Variants in PIEZO2 observed in about 807,000 individuals in gnomAD.
PIEZO2 encodes piezo-type mechanosensitive ion channel component 2.
A neutral mutation model predicts 337.3 loss-of-function variants in PIEZO2; 172 were observed. The ratio of observed to expected loss-of-function variants is 0.51; its 90% CI spans 0.45 to 0.58. PIEZO2 has a LOEUF of 0.58. Ranked by LOEUF, PIEZO2 falls within the 20% of genes least tolerant of loss-of-function variation. The pLI, the probability that PIEZO2 is intolerant of heterozygous loss-of-function variation, is 0.00. For missense variants in PIEZO2, 3,028 were observed against 3,391.3 expected (o/e 0.89, Z 2.66); for synonymous variants, 1,251 against 1,228.5 (o/e 1.02, Z -0.38).
chr18:10,881,718 A>G (rs2042425284), intron 4 of PIEZO2, among the ~76,000 whole-genome samples: 1 of 152,182 alleles, frequency 6.6e-6, no homozygotes, highest in Non-Finnish European at 1.5e-5. Flanking sequence ...GAACGACTAC[A>G]ACAAACAAAA....
At chr18:11,040,765 T>TA (rs1294566107) in intron 2 of PIEZO2, among the ~76,000 whole-genome samples, 1 of 152,206 alleles carries the variant, frequency 6.6e-6, no homozygotes, top group Non-Finnish European at 1.5e-5. Context: ...AGTCAGTTCT[T>TA]AGTGCCACTT....
chr18:10,795,031 C>G lies in PIEZO2; in HGVS notation c.1528-29G>C. 1.3e-6 allele frequency: 2 copies of G among 1,523,998 alleles called. No homozygotes were observed. The highest frequency in any genetic ancestry group is 1.8e-6 in the Non-Finnish European group (2 of 1,128,404). The allele number at this position is 1,523,998 out of a possible 1,614,324, so 94.4% of individuals were successfully genotyped here. ...CGGAGGACAGAAAAGGAAACACGACCATGGTCAATACAATGCTCAGTCCCC... is the reference window on the plus strand; with the variant it reads ...CGGAGGACAGAAAAGGAAACACGACGATGGTCAATACAATGCTCAGTCCCC... On this transcript the variant is annotated intron_variant, in intron 12 of 55. Coordinates refer to ENST00000674853, the MANE Select transcript of PIEZO2 (RefSeq NM_001378183.1). This position sits in a 1 kb window ranked among gnomAD's most constrained non-coding sequence, Gnocchi z 4.4.
chr18:10,706,399 G>A (rs2035588158), intron 40 of PIEZO2, among the ~76,000 whole-genome samples: 1 of 152,066 alleles, frequency 6.6e-6, no homozygotes, highest in African/African-American at 2.4e-5. Context: ...CCAGCTCCCT[G>A]CACTGTGCCC....
chr18:10,794,767 C>T lies in PIEZO2; in HGVS notation c.1758+5G>A. The T allele has an allele frequency of 6.6e-7, 1 of 1,512,128 alleles. No individual in the cohort carries two copies. The highest frequency in any genetic ancestry group is 1.2e-5 in the South Asian group (1 of 82,274). 93.7% of individuals were successfully genotyped at this position (1,512,128 alleles called of 1,614,324 possible). A position where few individuals can be genotyped will look rare whatever the true frequency, so the allele number is the denominator to read the frequency against. On this transcript the variant is annotated splice_donor_5th_base_variant and intron_variant, in intron 13 of 55. Transcript: ENST00000674853. The surrounding 1 kb of genome is among the most constrained non-coding windows in gnomAD (Gnocchi z 6.6). ...GTTTTGTTTTATTGTATTCTATTCA[C>T]TTACTTTGGAAGCAAGTTCTCCTGG...
At chr18:10,880,456 G>A (rs1012906142) in intron 4 of PIEZO2, among the ~76,000 whole-genome samples, 3 of 152,084 alleles carry the variant, frequency 2.0e-5, no homozygotes, top group African/African-American at 7.2e-5. Context: ...ATTTAGATGA[G>A]ACCAGGAAAG....
intron 2 of PIEZO2, among the ~76,000 whole-genome samples, chr18:11,065,846 T>A (rs1054521318): frequency 6.6e-6 from 1 of 152,232 alleles, no homozygotes; most frequent in Admixed American, 6.5e-5. Flanking sequence ...TTTGAGTTAG[T>A]AGTGTTAACT....
At position 10,671,638 on chromosome 18, in the gene PIEZO2, T is replaced by TA. The variant is rs1310838813; in HGVS notation, c.8486dup (p.Leu2829PhefsTer33). ...GCTCCAGTTCTCCTGTCTCTCGAAC[T>TA]AAAAAAATATCTGTGCACAACTTCA... On this transcript the variant is annotated frameshift_variant, in exon 56 of 56. Coordinates refer to ENST00000674853, the MANE Select transcript of PIEZO2 (RefSeq NM_001378183.1). LOFTEE classifies it high-confidence loss of function. 6.2e-7 allele frequency: 1 copy of TA among 1,613,898 alleles called. No individual in the cohort carries two copies. Among genetic ancestry groups the TA allele is most frequent in the Non-Finnish European group, 8.5e-7 (1 of 1,179,990 alleles).
intron 3 of PIEZO2, among the ~76,000 whole-genome samples, chr18:10,911,713 C>A (rs2030493005): frequency 6.6e-6 from 1 of 152,174 alleles, no homozygotes; most frequent in Non-Finnish European, 1.5e-5. Flanking sequence ...AAGATCATGC[C>A]ATTGCACTCT....
Position 11,146,438 on chromosome 18 carries a change from C to T in PIEZO2, c.64+2087G>A, listed in dbSNP as rs971017752. ...GGCAGGGCTGAATCCAGACCCCAGTCCCCCCACCTCCACCCTGGCTGCGAG... is the reference window on the plus strand; with the variant it reads ...GGCAGGGCTGAATCCAGACCCCAGTTCCCCCACCTCCACCCTGGCTGCGAG... On this transcript the variant is annotated intron_variant, in intron 1 of 55. Coordinates refer to ENST00000674853, the MANE Select transcript of PIEZO2 (RefSeq NM_001378183.1). The surrounding 1 kb of genome is among the most constrained non-coding windows in gnomAD (Gnocchi z 6.1). 1.3e-5 allele frequency among the ~76,000 whole-genome samples: 2 copies of T among 152,122 alleles called. No homozygotes were observed. The highest frequency in any genetic ancestry group is 2.9e-5 in the Non-Finnish European group (2 of 68,018).
chr18:10,851,854 G>C (rs554893159), intron 7 of PIEZO2, among the ~76,000 whole-genome samples: 11 of 152,046 alleles, frequency 7.2e-5, no homozygotes, highest in African/African-American at 2.7e-4. Context: ...TATTTACTAA[G>C]CTTTACAGAG....
intron 36 of PIEZO2, among the ~76,000 whole-genome samples, chr18:10,729,580 C>G (rs1403679136): frequency 6.6e-6 from 1 of 151,054 alleles, no homozygotes; most frequent in South Asian, 2.1e-4. Flanking sequence ...GCCGAGATCA[C>G]CCCACTGCAC....
At chr18:10,777,797 T>C (rs1417000584) in intron 18 of PIEZO2, among the ~76,000 whole-genome samples, 1 of 152,200 alleles carries the variant, frequency 6.6e-6, no homozygotes, top group South Asian at 2.1e-4. Flanking sequence ...TTAATATAAG[T>C]AACATTTAAA....
intron 36 of PIEZO2, among the ~76,000 whole-genome samples, chr18:10,719,388 G>A (rs1256080716): frequency 6.6e-6 from 1 of 152,098 alleles, no homozygotes; most frequent in Non-Finnish European, 1.5e-5. Flanking sequence ...CAGTGTCTAT[G>A]ACTGCCCTCC....
intron 36 of PIEZO2, chr18:10,725,373 A>G (rs1207279779): frequency 5.0e-6 from 8 of 1,606,000 alleles, no homozygotes; most frequent in Admixed American, 1.7e-5. Flanking sequence ...GGCGGTGATG[A>G]TGGTGGAGAA....
intron 2 of PIEZO2, among the ~76,000 whole-genome samples, chr18:11,036,133 A>G (rs562496119): frequency 9.2e-5 from 14 of 152,324 alleles, no homozygotes; most frequent in African/African-American, 3.4e-4. Context: ...GCCTAAAGCA[A>G]ATGAAGCCCT....
intron 18 of PIEZO2, among the ~76,000 whole-genome samples, chr18:10,778,762 T>A (rs1416830024): frequency 6.6e-6 from 1 of 152,222 alleles, no homozygotes; most frequent in Non-Finnish European, 1.5e-5. Context: ...TAAGAAGTCC[T>A]GAGAGAATTA....
chr18:10,857,003 G>A lies in PIEZO2; in HGVS notation c.701C>T (p.Ser234Leu), dbSNP rs1278747199. 9.8e-6 allele frequency: 15 copies of A among 1,537,050 alleles called. No homozygotes were observed. Among genetic ancestry groups the A allele is most frequent in the Middle Eastern group, 1.7e-4 (1 of 5,994 alleles). Residue 234 changes from serine (S) to leucine (L), a missense_variant and splice_region_variant, in exon 6 of 56, where the codon TCG becomes TTG. This residue lies in a region of PIEZO2 where 542 missense variants were observed against 605.6 expected (regional missense o/e 0.89). Coordinates refer to ENST00000674853, the MANE Select transcript of PIEZO2 (RefSeq NM_001378183.1). The stretch of plus-strand genomic sequence containing the variant: ...CAGCCAGTGTGGGAGACACTCACCC[G>A]AGGAGCCCAGTAAGATGGTAACAAC... ...KVVVTILLGSSGMMLPSLTSS... is the reference protein window; with the variant it reads ...KVVVTILLGSLGMMLPSLTSS...
At chr18:10,970,270 TG>T (rs762978239) in intron 3 of PIEZO2, among the ~76,000 whole-genome samples, 10 of 152,140 alleles carry the variant, frequency 6.6e-5, no homozygotes, top group Non-Finnish European at 1.5e-4. Flanking sequence ...GGCAAAGGCA[TG>T]GCCAGGCAAT....
intron 16 of PIEZO2, among the ~76,000 whole-genome samples, chr18:10,785,910 T>C (rs1169474631): frequency 1.3e-5 from 2 of 152,080 alleles, no homozygotes; most frequent in East Asian, 1.9e-4. Context: ...CTACAAGCCA[T>C]GCACATCCCA....
Sources: allele counts gnomAD v4.1 joint callset (sites outside exome capture counted in the v4.1 genomes callset), GRCh38; gene constraint gnomAD v4.1.1; regional missense constraint gnomAD v4.1.1; non-coding constraint Gnocchi (gnomAD v3.1); transcripts MANE v1.5; gene names NCBI Gene and HGNC (gene_info 2026-07-23, HGNC 2026-07-21).